The following WWOX variants were observed in gnomAD, a reference collection of about 807,000 sequenced individuals.
The protein encoded by WWOX is WW domain containing oxidoreductase, also known as WW domain-containing oxidoreductase.
In WWOX, 69 loss-of-function variants were observed where a neutral mutation model predicts 46.2. The ratio of observed to expected loss-of-function variants is 1.49; its 90% CI spans 1.23 to 1.82. The LOEUF (loss-of-function observed/expected upper bound fraction) is 1.82. Ranked by LOEUF, WWOX falls within the 40% of genes most tolerant of loss-of-function variation. WWOX has a pLI of 0.00. For missense variants in WWOX, 919 were observed against 542.6 expected (o/e 1.69, Z -6.89); for synonymous variants, 359 against 202.6 (o/e 1.77, Z -6.56).
rs183928457 is a variant in WWOX at position 78,441,982 on chromosome 16, G to T, written c.1056+9230G>T. 2.3e-4 allele frequency among the ~76,000 whole-genome samples: 35 copies of T among 151,526 alleles called. No individual in the cohort carries two copies. The East Asian group carries it at 6.6e-3, about 29-fold the overall frequency. Reference sequence around the variant, plus strand: ...TGAGTGTGTGTGTGTGTGTGTGTGTGTGTGTGTGGCTGGGCATGGTGGCTC... The same window carrying T: ...TGAGTGTGTGTGTGTGTGTGTGTGTTTGTGTGTGGCTGGGCATGGTGGCTC... On this transcript the variant is annotated intron_variant, in intron 8 of 8. Transcript: ENST00000566780.
At chr16:78,415,492 C>G (rs1199481386) in intron 6 of WWOX, among the ~76,000 whole-genome samples, 2 of 152,128 alleles carry the variant, frequency 1.3e-5, no homozygotes, top group Non-Finnish European at 2.9e-5. Context: ...CCCAGTAGGT[C>G]TCAATCTTAT....
At chr16:78,401,544 A>C (rs1203501120) in intron 6 of WWOX, among the ~76,000 whole-genome samples, 1 of 152,120 alleles carries the variant, frequency 6.6e-6, no homozygotes, top group Non-Finnish European at 1.5e-5. Context: ...TATATGATTT[A>C]GGGGAAAGAG....
intron 8 of WWOX, among the ~76,000 whole-genome samples, chr16:79,126,422 C>T (rs2049756217): frequency 2.0e-5 from 3 of 152,124 alleles, no homozygotes; most frequent in Admixed American, 1.3e-4. Context: ...TGGTTTTCCC[C>T]ATGCTGTTCT....
chr16:78,649,724 A>C (rs985352000), intron 8 of WWOX, among the ~76,000 whole-genome samples: 4 of 152,170 alleles, frequency 2.6e-5, no homozygotes, highest in African/African-American at 9.7e-5. Flanking sequence ...TTATTATTTC[A>C]TGTGTTAAGT....
intron 8 of WWOX, among the ~76,000 whole-genome samples, chr16:78,909,807 A>G (rs1449129664): frequency 2.6e-5 from 4 of 152,220 alleles, no homozygotes; most frequent in Admixed American, 6.5e-5. Context: ...AAACAGTGAT[A>G]TGAGAAAAGG....
Position 78,789,816 on chromosome 16 carries a change from C to T in WWOX, c.1056+357064C>T, listed in dbSNP as rs191833524. Among the ~76,000 whole-genome samples, 232 of 152,246 alleles carry T rather than the reference C, an allele frequency of 1.5e-3. 1 individual carries two copies. Among genetic ancestry groups the T allele is most frequent in the African/African-American group, 5.0e-3 (208 of 41,538 alleles). On this transcript the variant is annotated intron_variant, in intron 8 of 8. Transcript: ENST00000566780. Reference sequence around the variant, plus strand: ...GCTCATTTTCCAGTTTTTCCCCCTCCAGCTGTAGGGGATATATTTTCGTTA... The same window carrying T: ...GCTCATTTTCCAGTTTTTCCCCCTCTAGCTGTAGGGGATATATTTTCGTTA...
intron 5 of WWOX, among the ~76,000 whole-genome samples, chr16:78,255,415 G>A (rs1438400727): frequency 1.3e-5 from 2 of 152,176 alleles, no homozygotes; most frequent in Non-Finnish European, 2.9e-5. Flanking sequence ...TGTAAATTCC[G>A]CTGGATAAAT....
At chr16:78,173,769 T>C (rs2035241787) in intron 5 of WWOX, among the ~76,000 whole-genome samples, 10 of 152,230 alleles carry the variant, frequency 6.6e-5, no homozygotes, top group Admixed American at 5.2e-4. Context: ...TTCTTCTTTG[T>C]CTTACTTCGG....
In WWOX at chr16:78,731,708, G is replaced by C. The variant is rs549947408; in HGVS notation, c.1056+298956G>C. Among the ~76,000 whole-genome samples the C allele has an allele frequency of 1.2e-4, 19 of 152,246 alleles. No homozygotes were observed. In the South Asian group the frequency reaches 3.7e-3, roughly 30 times the overall value. On this transcript the variant is annotated intron_variant, in intron 8 of 8. Transcript: ENST00000566780. Reference sequence around the variant, plus strand: ...ATGATCATTATTGACTGGAAAGCCTGTAAGAAGAAGCGGATAAGGCCAGGG... The same window carrying C: ...ATGATCATTATTGACTGGAAAGCCTCTAAGAAGAAGCGGATAAGGCCAGGG...
chr16:78,162,891 A>G (rs910770107), intron 4 of WWOX, among the ~76,000 whole-genome samples: 8 of 151,984 alleles, frequency 5.3e-5, no homozygotes, highest in African/African-American at 1.9e-4. Flanking sequence ...CTGTTAAACT[A>G]TATGCTGAAT....
intron 8 of WWOX, among the ~76,000 whole-genome samples, chr16:78,822,717 T>C (rs1469165395): frequency 6.6e-6 from 1 of 152,168 alleles, no homozygotes; most frequent in African/African-American, 2.4e-5. Context: ...ATCATCATTG[T>C]TGAATAAACA....
At chr16:78,819,125 T>C (rs1213670878) in intron 8 of WWOX, among the ~76,000 whole-genome samples, 1 of 152,242 alleles carries the variant, frequency 6.6e-6, no homozygotes, top group Non-Finnish European at 1.5e-5. Context: ...TTCTGCACTC[T>C]TTCTCAGTCA....
chr16:78,185,520 G>C (rs1186893232), intron 5 of WWOX, among the ~76,000 whole-genome samples: 1 of 151,458 alleles, frequency 6.6e-6, no homozygotes, highest in African/African-American at 2.4e-5. Flanking sequence ...TTTACATGTA[G>C]AAGCTCATTG....
intron 8 of WWOX, among the ~76,000 whole-genome samples, chr16:79,008,788 G>A (rs2047241766): frequency 6.6e-6 from 1 of 152,170 alleles, no homozygotes; most frequent in African/African-American, 2.4e-5. Context: ...CCTGTCCCAG[G>A]CCTTGTCTTC....
intron 8 of WWOX, among the ~76,000 whole-genome samples, chr16:78,597,678 G>T (rs576945829): frequency 4.6e-5 from 7 of 151,676 alleles, no homozygotes; most frequent in Middle Eastern, 3.4e-3. Flanking sequence ...CTAAATTGTG[G>T]TGCCTCAGTG....
intron 8 of WWOX, among the ~76,000 whole-genome samples, chr16:79,006,926 C>A (rs181391104): frequency 3.3e-5 from 5 of 152,280 alleles, no homozygotes; most frequent in African/African-American, 1.2e-4. Flanking sequence ...GAATCATCTT[C>A]CTCTTTTAAG....
intron 8 of WWOX, among the ~76,000 whole-genome samples, chr16:78,553,730 G>C (rs996881681): frequency 1.3e-5 from 2 of 152,102 alleles, no homozygotes; most frequent in African/African-American, 4.8e-5. Context: ...GGAGGCCTGG[G>C]AGAGACAGCA....
intron 8 of WWOX, among the ~76,000 whole-genome samples, chr16:78,921,796 C>CT (rs901559718): frequency 3.7e-4 from 56 of 152,336 alleles, no homozygotes; most frequent in African/African-American, 1.2e-3. Context: ...ATTGTCCTTA[C>CT]TCTGACACCC....
chr16:78,236,350 G>T (rs1342409669), intron 5 of WWOX, among the ~76,000 whole-genome samples: 1 of 152,220 alleles, frequency 6.6e-6, no homozygotes, highest in African/African-American at 2.4e-5. Flanking sequence ...GATAGTTTGA[G>T]ATTTGAGGCC....
Sources: allele counts gnomAD v4.1 joint callset (sites outside exome capture counted in the v4.1 genomes callset), GRCh38; gene constraint gnomAD v4.1.1; transcripts MANE v1.5; gene names NCBI Gene and HGNC (gene_info 2026-07-23, HGNC 2026-07-21).